Variants in LRRC72 observed in about 807,000 individuals in gnomAD.
LRRC72 encodes leucine-rich repeat-containing protein 72.
LRRC72 carries 41 observed loss-of-function variants against 35.8 expected under a neutral mutation model. The ratio of observed to expected loss-of-function variants is 1.15; its 90% confidence interval spans 0.89 to 1.49. The LOEUF (loss-of-function observed/expected upper bound fraction) is 1.49. Ranked by LOEUF, LRRC72 falls within the 40% of genes most tolerant of loss-of-function variation. The probability of loss-of-function intolerance (pLI) is 0.00; values close to 1 mark genes in which losing one functional copy is unlikely to be tolerated. For missense variants in LRRC72, 389 were observed against 330.7 expected, an observed-to-expected ratio of 1.18 and a Z score of -1.37; for synonymous variants, 118 against 119.2, an observed-to-expected ratio of 0.99 and a Z score of 0.07.
chr7:16,545,043 G>A (rs1295289489), intron 3 of LRRC72, among the ~76,000 whole-genome samples: 2 of 152,286 alleles, frequency 1.3e-5, no homozygotes, highest in East Asian at 3.9e-4. Context: ...TTAACATTAG[G>A]ACAAATACCT....
intron 2 of LRRC72, 183 bp downstream of exon 2, chr7:16,532,751 TAAA>T (rs11284325): frequency 8.5e-5 from 44 of 518,666 alleles, no homozygotes; most frequent in Admixed American, 2.4e-4. Flanking sequence ...TGAAATTGAT[TAAA>T]AAAAAAAAAA....
chr7:16,528,866 C>T (rs946237531), intron 1 of LRRC72, among the ~76,000 whole-genome samples: 64 of 152,120 alleles, frequency 4.2e-4, no homozygotes, highest in African/African-American at 1.4e-3. Flanking sequence ...AGAGCACTAA[C>T]AGAGAAGGAG....
intron 5 of LRRC72, among the ~76,000 whole-genome samples, chr7:16,566,020 A>C (rs1181475199): frequency 1.3e-5 from 2 of 152,240 alleles, no homozygotes; most frequent in East Asian, 3.8e-4. Context: ...GGACATGTTA[A>C]AAATTTCCCT....
chr7:16,566,247 T>C (rs1167045898), intron 5 of LRRC72, 66 bp from the exon 6 acceptor site: 1 of 1,044,164 alleles, frequency 9.6e-7, no homozygotes, highest in African/African-American at 1.6e-5. Context: ...TTTTTTGTAT[T>C]TTATAAGTGA....
chr7:16,556,932 C>A (rs1203323062), intron 3 of LRRC72, among the ~76,000 whole-genome samples: 1 of 152,080 alleles, frequency 6.6e-6, no homozygotes, highest in Non-Finnish European at 1.5e-5. Flanking sequence ...ATGACTCCTA[C>A]AGATGCAGAA....
chr7:16,555,203 T>C (rs1583644219), intron 3 of LRRC72, among the ~76,000 whole-genome samples: 1 of 152,264 alleles, frequency 6.6e-6, no homozygotes, highest in East Asian at 1.9e-4. Context: ...CTGGCATAAT[T>C]TGGTGGAGAT....
At chr7:16,544,498 T>A (rs1242924414) in intron 3 of LRRC72, among the ~76,000 whole-genome samples, 1 of 152,140 alleles carries the variant, frequency 6.6e-6, no homozygotes, top group Non-Finnish European at 1.5e-5. Flanking sequence ...AGGTCTAAAG[T>A]CTCCCTTCCT....
At chr7:16,556,344 C>G (rs952095106) in intron 3 of LRRC72, among the ~76,000 whole-genome samples, 37 of 152,136 alleles carry the variant, frequency 2.4e-4, no homozygotes, top group African/African-American at 8.2e-4. Context: ...ACACCCAAAA[C>G]TCTAGTGTTC....
chr7:16,538,759 C>T (rs1220519068), intron 3 of LRRC72, among the ~76,000 whole-genome samples: 4 of 152,154 alleles, frequency 2.6e-5, no homozygotes, highest in Non-Finnish European at 1.5e-5. Flanking sequence ...TGAGTGAGTT[C>T]CCACAATATC....
chr7:16,560,324 C>T (rs911799747), intron 5 of LRRC72, among the ~76,000 whole-genome samples: 1 of 152,044 alleles, frequency 6.6e-6, no homozygotes, highest in Admixed American at 6.6e-5. Flanking sequence ...CTAAGGTTTC[C>T]ATATATTGTT....
chr7:16,543,862 C>T (rs1179071848), intron 3 of LRRC72, among the ~76,000 whole-genome samples: 1 of 152,214 alleles, frequency 6.6e-6, no homozygotes, highest in East Asian at 1.9e-4. Context: ...CCCAGAGATT[C>T]ATGGAGATGC....
chr7:16,546,328 T>G (rs533824764), intron 3 of LRRC72, among the ~76,000 whole-genome samples: 1 of 152,164 alleles, frequency 6.6e-6, no homozygotes. Context: ...TTGCTACTAT[T>G]GCGTTTTGAC....
At chr7:16,552,330 A>G (rs1782566781) in intron 3 of LRRC72, among the ~76,000 whole-genome samples, 1 of 152,156 alleles carries the variant, frequency 6.6e-6, no homozygotes, top group Non-Finnish European at 1.5e-5. Context: ...TAATATATTA[A>G]TCTTTAGGGA....
intron 3 of LRRC72, among the ~76,000 whole-genome samples, chr7:16,541,546 C>T (rs182450919): frequency 6.6e-6 from 1 of 152,278 alleles, no homozygotes; most frequent in Admixed American, 6.5e-5. Context: ...ACCTTCAAGG[C>T]CCAGGCAGCT....
chr7:16,557,549 A>G (rs6969347), intron 4 of LRRC72, 108 bp downstream of exon 4: 75,913 of 363,888 alleles, frequency 0.21, 9,420 homozygotes, highest in African/African-American at 0.37. Flanking sequence ...ATTTCTGTTG[A>G]AAATATATTA....
chr7:16,535,292 T>C (rs1273190215), intron 2 of LRRC72, among the ~76,000 whole-genome samples: 1 of 152,160 alleles, frequency 6.6e-6, no homozygotes, highest in African/African-American at 2.4e-5. Flanking sequence ...ACAATTCTGC[T>C]TGAAATGTCT....
chr7:16,529,579 G>T (rs76699392), intron 1 of LRRC72, among the ~76,000 whole-genome samples: 2 of 152,120 alleles, frequency 1.3e-5, no homozygotes, highest in South Asian at 4.1e-4. Flanking sequence ...CTGGGAACTG[G>T]AATTGTTCCA....
At chr7:16,532,996 A>G (rs1271981448) in intron 2 of LRRC72, among the ~76,000 whole-genome samples, 2 of 152,144 alleles carry the variant, frequency 1.3e-5, no homozygotes, top group Non-Finnish European at 2.9e-5. Flanking sequence ...GTAGCCCGAT[A>G]TCCTGTATTT....
At chr7:16,568,119 A>G (rs1005009802) in intron 7 of LRRC72, among the ~76,000 whole-genome samples, 1 of 152,184 alleles carries the variant, frequency 6.6e-6, no homozygotes, top group African/African-American at 2.4e-5. Flanking sequence ...TTTCTCAGAC[A>G]GCAAAGAATA....
Sources: gnomAD v4.1 joint callset for allele counts (sites outside exome capture counted in the v4.1 genomes callset) on GRCh38, gnomAD v4.1.1 for gene constraint, MANE v1.5 for transcripts, NCBI Gene and HGNC (gene_info 2026-07-23, HGNC 2026-07-21) for gene names.